Variants in CXCL17 observed in about 807,000 individuals in gnomAD.
CXCL17 encodes C-X-C motif chemokine ligand 17.
A neutral mutation model predicts 15.5 loss-of-function variants in CXCL17; 9 were observed. That is an observed-to-expected ratio of 0.58 (90% CI 0.35 to 1.01). The LOEUF is 1.01. Among genes scored for constraint, CXCL17 ranks in the 50% least tolerant of loss-of-function variants. CXCL17 has a pLI of 0.02. For synonymous variants in CXCL17, 52 were observed against 52.3 expected (o/e 0.99, Z 0.02); for missense variants, 133 against 138.2 (o/e 0.96, Z 0.19).
At chr19:42,438,475 C>G (rs1169941329) in intron 1 of CXCL17, among the ~76,000 whole-genome samples, 1 of 149,066 alleles carries the variant, frequency 6.7e-6, no homozygotes, top group African/African-American at 2.5e-5. Flanking sequence ...TGTGGTCTCT[C>G]TCTCTCTTTG....
intron 1 of CXCL17, among the ~76,000 whole-genome samples, chr19:42,441,005 C>G (rs1488374521): frequency 1.3e-5 from 2 of 152,200 alleles, no homozygotes; most frequent in Admixed American, 1.3e-4. Context: ...ACAGCCCCCA[C>G]CGCAAGGAAC....
Position 42,433,757 on chromosome 19 carries a change from T to C in CXCL17, c.160+19A>G, listed in dbSNP as rs1366355926. 5.6e-6 allele frequency: 9 copies of C among 1,607,054 alleles called. 1 individual carries two copies. The South Asian group carries it at 9.9e-5, about 18-fold the overall frequency. On this transcript the variant is annotated intron_variant, in intron 2 of 3. Transcript: ENST00000601181. ...GGTCATGGTGATGCCATCGCTGTTG[T>C]TGTTGCTGAATTACTGACCTTTGCA...
At chr19:42,441,570 G>C (rs1051233719) in intron 1 of CXCL17, among the ~76,000 whole-genome samples, 3 of 152,144 alleles carry the variant, frequency 2.0e-5, no homozygotes, top group African/African-American at 7.2e-5. Flanking sequence ...CAGTGGTCTA[G>C]GCCCTAGGGC....
At chr19:42,440,943 T>C (rs2040885904) in intron 1 of CXCL17, among the ~76,000 whole-genome samples, 1 of 152,106 alleles carries the variant, frequency 6.6e-6, no homozygotes, top group African/African-American at 2.4e-5. Flanking sequence ...GCTATTGGCA[T>C]GTAGGGGAGA....
intron 3 of CXCL17, among the ~76,000 whole-genome samples, chr19:42,430,792 A>G (rs1211326670): frequency 2.6e-5 from 4 of 151,798 alleles, no homozygotes; most frequent in Non-Finnish European, 5.9e-5. Context: ...TCATTTTTAA[A>G]CTTTATGTAT....
intron 1 of CXCL17, among the ~76,000 whole-genome samples, chr19:42,439,270 A>G (rs1326445770): frequency 7.3e-5 from 11 of 151,168 alleles, no homozygotes; most frequent in East Asian, 3.9e-4. Flanking sequence ...AAAAAAAAAA[A>G]AAAAGAAAAA....
At chr19:42,429,454 G>T (rs1328471052) in intron 3 of CXCL17, among the ~76,000 whole-genome samples, 1 of 151,188 alleles carries the variant, frequency 6.6e-6, no homozygotes, top group African/African-American at 2.4e-5. Flanking sequence ...TCAGCCTCTC[G>T]AGTAGCTGGG....
chr19:42,435,316 A>G (rs572451258), intron 1 of CXCL17, among the ~76,000 whole-genome samples: 1 of 152,288 alleles, frequency 6.6e-6, no homozygotes, highest in Admixed American at 6.5e-5. Context: ...TTATACCTTC[A>G]TATGGTTCCC....
Position 42,428,752 on chromosome 19 carries a change from T to C in CXCL17, c.*132A>G, listed in dbSNP as rs1419901042. On this transcript the variant is annotated 3_prime_UTR_variant, in exon 4 of 4. Coordinates refer to ENST00000601181, the MANE Select transcript of CXCL17 (RefSeq NM_198477.3). ...AAAATGATCTTGAAAAACATGCTTT[T>C]TGAGAGCACTGGAATGATTTAGGGG... 4 of 718,112 alleles carry C rather than the reference T, an allele frequency of 5.6e-6. No individual in the cohort carries two copies. In the East Asian group the frequency reaches 1.0e-4, roughly 18 times the overall value. 44.5% of individuals were successfully genotyped at this position (718,112 alleles called of 1,614,324 possible).
At chr19:42,436,702 A>G (rs1568621973) in intron 1 of CXCL17, among the ~76,000 whole-genome samples, 2 of 152,194 alleles carry the variant, frequency 1.3e-5, no homozygotes, top group Non-Finnish European at 2.9e-5. Context: ...ATTTTTAATG[A>G]ATGCATAATA....
chr19:42,432,925 G>T, intron 3 of CXCL17, 51 bp downstream of exon 3: 2 of 1,365,856 alleles, frequency 1.5e-6, no homozygotes, highest in South Asian at 1.2e-5. Flanking sequence ...CTTCCCTAGT[G>T]ATTTCACGGA....
chr19:42,442,892 A>G lies in CXCL17; in HGVS notation c.-60T>C, dbSNP rs2040908971. On this transcript the variant is annotated 5_prime_UTR_variant, in exon 1 of 4. Transcript: ENST00000601181. Reference sequence around the variant, plus strand: ...AATATAATGGAAGGTTCCCTGCTGGAGGCTCCTGATCCCTGGGGATGACTC... The same window carrying G: ...AATATAATGGAAGGTTCCCTGCTGGGGGCTCCTGATCCCTGGGGATGACTC... 6 of 1,334,742 alleles carry G rather than the reference A, an allele frequency of 4.5e-6. No homozygotes were observed. Among genetic ancestry groups the G allele is most frequent in the Non-Finnish European group, 5.3e-6 (5 of 937,396 alleles). The allele number at this position is 1,334,742 out of a possible 1,614,324, so 82.7% of individuals were successfully genotyped here. A position where few individuals can be genotyped will look rare whatever the true frequency, so the allele number is the denominator to read the frequency against.
chr19:42,430,386 A>G (rs1034251428), intron 3 of CXCL17, among the ~76,000 whole-genome samples: 1 of 152,046 alleles, frequency 6.6e-6, no homozygotes, highest in Non-Finnish European at 1.5e-5. Flanking sequence ...ACCTGAGGTC[A>G]GGGGTTCGAG....
At chr19:42,442,569 A>G (rs1351017829) in intron 1 of CXCL17, among the ~76,000 whole-genome samples, 185 bp downstream of exon 1, 1 of 151,766 alleles carries the variant, frequency 6.6e-6, no homozygotes. Context: ...ATCTCGTTTA[A>G]CTCTCTCAAC....
At chr19:42,433,131 G>T in intron 2 of CXCL17, 54 bp from the exon 3 acceptor site, 6 of 1,296,164 alleles carry the variant, frequency 4.6e-6, no homozygotes, top group Non-Finnish European at 5.5e-6. Context: ...TTGATAGGAG[G>T]GAGTAGGACA....
Position 42,428,817 on chromosome 19 carries a change from C to T in CXCL17, c.*67G>A. 3 of 1,150,668 alleles carry T rather than the reference C, an allele frequency of 2.6e-6. No individual in the cohort carries two copies. The African/African-American group carries it at 4.6e-5, about 17-fold the overall frequency. 71.3% of individuals were successfully genotyped at this position (1,150,668 alleles called of 1,614,324 possible). A position where few individuals can be genotyped will look rare whatever the true frequency, so the allele number is the denominator to read the frequency against. Reference sequence around the variant, plus strand: ...GAGTGAGGTGGGAGAAGAAGAGTGTCTGGTAGGTGTGCTCACTGTCTTCTT... The same window carrying T: ...GAGTGAGGTGGGAGAAGAAGAGTGTTTGGTAGGTGTGCTCACTGTCTTCTT... On this transcript the variant is annotated 3_prime_UTR_variant, in exon 4 of 4. Transcript: ENST00000601181.
In CXCL17 at chr19:42,428,844, G is replaced by T; in HGVS notation, c.*40C>A. On this transcript the variant is annotated 3_prime_UTR_variant, in exon 4 of 4. Transcript: ENST00000601181. ...GGTAGGTGTGCTCACTGTCTTCTTG[G>T]CTGAGAATGTTTAATTGGAAGAGTG... is the stretch of plus-strand genomic sequence containing the variant. 6.7e-7 allele frequency: 1 copy of T among 1,488,176 alleles called. No homozygotes were observed. The highest frequency in any genetic ancestry group is 9.4e-7 in the Non-Finnish European group (1 of 1,065,520). The allele number at this position is 1,488,176 out of a possible 1,614,324, so 92.2% of individuals were successfully genotyped here.
chr19:42,435,379 CTT>C (rs1426268736), intron 1 of CXCL17, among the ~76,000 whole-genome samples: 1 of 152,086 alleles, frequency 6.6e-6, no homozygotes, highest in African/African-American at 2.4e-5. Flanking sequence ...TGTTTGAAAT[CTT>C]TTATGGACTG....
intron 3 of CXCL17, among the ~76,000 whole-genome samples, chr19:42,429,975 C>T (rs570201153): frequency 1.3e-5 from 2 of 152,198 alleles, no homozygotes; most frequent in East Asian, 1.9e-4. Context: ...AAAGACCAGC[C>T]TGAGCAACAT....
Sources: gnomAD v4.1 joint callset for allele counts (sites outside exome capture counted in the v4.1 genomes callset) on GRCh38, gnomAD v4.1.1 for gene constraint, MANE v1.5 for transcripts, NCBI Gene and HGNC (gene_info 2026-07-23, HGNC 2026-07-21) for gene names.